The following THEMIS variants were observed in gnomAD, a reference collection of about 807,000 sequenced individuals.
THEMIS encodes protein THEMIS.
In THEMIS, 37 loss-of-function variants were observed where a neutral mutation model predicts 52.6. That is an observed-to-expected ratio of 0.70 (90% CI 0.54 to 0.93). THEMIS has a LOEUF of 0.93. THEMIS is among the 40% of genes least tolerant of loss of function. The pLI is 0.00. For missense variants in THEMIS, 808 were observed against 763.1 expected, an observed-to-expected ratio of 1.06 and a Z score of -0.69; for synonymous variants, 292 against 272.7, an observed-to-expected ratio of 1.07 and a Z score of -0.70.
intron 1 of THEMIS, among the ~76,000 whole-genome samples, chr6:127,880,571 T>TAAAA (rs33909885): frequency 3.9e-4 from 52 of 132,970 alleles, no homozygotes; most frequent in African/African-American, 1.3e-3. Context: ...AAAGACAAAT[T>TAAAA]AAAAAAAAAA....
chr6:127,699,594 T>A, the THEMIS span, among the ~76,000 whole-genome samples: 1 of 151,476 alleles, frequency 6.6e-6, no homozygotes, highest in Non-Finnish European at 1.5e-5. Context: ...AGAAAAGAGA[T>A]TGATAGAACA....
intron 3 of THEMIS, among the ~76,000 whole-genome samples, chr6:127,815,701 T>A (rs1365788110): frequency 6.6e-6 from 1 of 152,170 alleles, no homozygotes; most frequent in Admixed American, 6.5e-5. Flanking sequence ...AACCTCAAGG[T>A]AAGTTTAGAA....
At chr6:127,707,719 TC>T (rs1048739506), downstream of THEMIS, among the ~76,000 whole-genome samples, 10 of 152,178 alleles carry the variant, frequency 6.6e-5, no homozygotes, top group African/African-American at 2.4e-4. Flanking sequence ...GTTATCATCT[TC>T]CTTTTAGAGG....
At chr6:127,896,974 T>C (rs149368288) in intron 1 of THEMIS, among the ~76,000 whole-genome samples, 19 of 151,516 alleles carry the variant, frequency 1.3e-4, no homozygotes, top group Middle Eastern at 6.8e-3. Context: ...AGCAAGTAGA[T>C]GAATAGAACA....
At chr6:127,842,000 G>A (rs960719168) in intron 2 of THEMIS, among the ~76,000 whole-genome samples, 4 of 151,978 alleles carry the variant, frequency 2.6e-5, no homozygotes, top group Non-Finnish European at 4.4e-5. Flanking sequence ...ATTTAGGGCT[G>A]CTCTGAGTCA....
intron 5 of THEMIS, among the ~76,000 whole-genome samples, chr6:127,716,468 G>A (rs764940461): frequency 6.6e-6 from 1 of 151,858 alleles, no homozygotes; most frequent in Non-Finnish European, 1.5e-5. Context: ...TCCAATGATT[G>A]TTTGATGCAG....
At chr6:127,721,549 C>T (rs1774362562) in intron 4 of THEMIS, among the ~76,000 whole-genome samples, 1 of 151,874 alleles carries the variant, frequency 6.6e-6, no homozygotes. Flanking sequence ...GGAAGGGATC[C>T]TAGCAATACT....
chr6:127,877,172 C>T (rs567436162), intron 1 of THEMIS, among the ~76,000 whole-genome samples: 4 of 152,122 alleles, frequency 2.6e-5, no homozygotes, highest in Admixed American at 6.6e-5. Context: ...TTGATGTTGA[C>T]GGCCTTGATC....
chr6:127,876,908 A>G (rs1369828390), intron 1 of THEMIS, among the ~76,000 whole-genome samples: 3 of 152,200 alleles, frequency 2.0e-5, no homozygotes, highest in Non-Finnish European at 4.4e-5. Context: ...TATCTCAGAG[A>G]TATTGCAGAT....
intron 4 of THEMIS, among the ~76,000 whole-genome samples, chr6:127,793,059 A>G (rs147881921): frequency 1.2e-4 from 19 of 152,358 alleles, no homozygotes; most frequent in African/African-American, 4.3e-4. Context: ...TCACAAATGT[A>G]ACCCCTTGAA....
intron 4 of THEMIS, among the ~76,000 whole-genome samples, chr6:127,766,000 C>T (rs1483214283): frequency 1.3e-5 from 2 of 152,072 alleles, no homozygotes; most frequent in Non-Finnish European, 2.9e-5. Context: ...CAACCTAGAG[C>T]AATACTTTAT....
chr6:127,714,477 C>A (rs906162917), intron 5 of THEMIS, among the ~76,000 whole-genome samples: 17 of 151,784 alleles, frequency 1.1e-4, no homozygotes, highest in African/African-American at 4.1e-4. Context: ...AAAAATCAGG[C>A]AATGGGACCT....
chr6:127,846,414 G>A (rs1404266176), intron 2 of THEMIS, among the ~76,000 whole-genome samples: 1 of 151,806 alleles, frequency 6.6e-6, no homozygotes, highest in Non-Finnish European at 1.5e-5. Context: ...GAAAAAAAGA[G>A]AGAAGATTTA....
intron 4 of THEMIS, among the ~76,000 whole-genome samples, chr6:127,731,864 ATTTTTTTTTTT>A (rs58263706): frequency 2.4e-5 from 1 of 41,702 alleles, no homozygotes; most frequent in Non-Finnish European, 3.8e-5. Context: ...TGCCCGGCTA[ATTTTTTTTTTT>A]TTTTTTTTTT....
intron 5 of THEMIS, among the ~76,000 whole-genome samples, chr6:127,719,037 C>A (rs1224900058): frequency 1.3e-5 from 2 of 151,850 alleles, no homozygotes; most frequent in Non-Finnish European, 2.9e-5. Flanking sequence ...TTTGTATGAA[C>A]TAAATGTGAA....
the THEMIS span, among the ~76,000 whole-genome samples, chr6:127,697,721 C>G: frequency 1.3e-5 from 2 of 152,248 alleles, no homozygotes; most frequent in South Asian, 4.1e-4. Context: ...CATATGACTA[C>G]TGTGATCACT....
rs371368528 is a variant in THEMIS, at chr6:127,812,856, G to A, written c.1758+27C>T. 1.2e-5 allele frequency: 18 copies of A among 1,540,286 alleles called. No homozygotes were observed. The African/African-American group carries it at 2.5e-4, about 21-fold the overall frequency. ...ATTGCCTGAAGGAACACACTCCAGAGAAAACATTGCAAAACCATAGCCTTA... is the reference window on the plus strand; with the variant it reads ...ATTGCCTGAAGGAACACACTCCAGAAAAAACATTGCAAAACCATAGCCTTA... On this transcript the variant is annotated intron_variant, in intron 4 of 5. Transcript: ENST00000368248.
chr6:127,758,401 AATT>A (rs1775907014), intron 4 of THEMIS, among the ~76,000 whole-genome samples: 1 of 148,082 alleles, frequency 6.8e-6, no homozygotes, highest in African/African-American at 2.5e-5. Context: ...ATTCCTTAAC[AATT>A]ACCTTATAAT....
chr6:127,825,885 C>T (rs575276749), intron 3 of THEMIS, among the ~76,000 whole-genome samples: 16 of 151,978 alleles, frequency 1.1e-4, no homozygotes, highest in African/African-American at 2.4e-4. Context: ...GCAAAGAAAA[C>T]GATAAGGTCG....
Sources: allele counts gnomAD v4.1 joint callset (sites outside exome capture counted in the v4.1 genomes callset), GRCh38; gene constraint gnomAD v4.1.1; transcripts MANE v1.5; gene names NCBI Gene and HGNC (gene_info 2026-07-23, HGNC 2026-07-21).